The following ZCCHC14 variants were observed in gnomAD, a reference collection of about 807,000 sequenced individuals.
ZCCHC14 encodes zinc finger CCHC domain-containing protein 14.
In ZCCHC14, 16 loss-of-function variants were observed where a neutral mutation model predicts 85.0. That is an observed-to-expected ratio of 0.19 (90% CI 0.13 to 0.29). The LOEUF (loss-of-function observed/expected upper bound fraction) is 0.29, where lower values mean the gene tolerates loss of function less well. Among genes scored for constraint, ZCCHC14 ranks in the 10% least tolerant of loss-of-function variants. ZCCHC14 has a pLI of 1.00. For synonymous variants in ZCCHC14, 775 were observed against 630.7 expected (o/e 1.23, Z -3.43); for missense variants, 1,303 against 1,443.5 (o/e 0.90, Z 1.58).
chr16:87,414,141 C>T lies in ZCCHC14; in HGVS notation c.1603+273G>A, dbSNP rs1170025434. Among the ~76,000 whole-genome samples the T allele has an allele frequency of 1.3e-5, 2 of 150,926 alleles. 1 individual carries two copies. Among genetic ancestry groups the T allele is most frequent in the Non-Finnish European group, 2.9e-5 (2 of 67,954 alleles). On this transcript the variant is annotated intron_variant, in intron 10 of 12. Coordinates refer to ENST00000671377, the MANE Select transcript of ZCCHC14 (RefSeq NM_015144.3). Reference sequence around the variant, plus strand: ...CCGGCCCTCTCTGTGTACGAGTAACCCACCTGCCCGGCACACGGGCCCTCT... The same window carrying T: ...CCGGCCCTCTCTGTGTACGAGTAACTCACCTGCCCGGCACACGGGCCCTCT...
intron 2 of ZCCHC14, among the ~76,000 whole-genome samples, chr16:87,452,751 T>C (rs992900499): frequency 4.6e-5 from 7 of 152,042 alleles, no homozygotes; most frequent in South Asian, 4.2e-4. Context: ...TGAAAGCACC[T>C]ACCCTGCTTG....
rs1345710336 is a variant in ZCCHC14, at chr16:87,409,320, C to G, written c.*960G>C. The G allele has an allele frequency of 6.6e-6, 1 of 152,156 alleles. No individual in the cohort carries two copies. The highest frequency in any genetic ancestry group is 1.5e-5 in the Non-Finnish European group (1 of 68,038). 9.4% of individuals were successfully genotyped at this position (152,156 alleles called of 1,614,324 possible). A position where few individuals can be genotyped will look rare whatever the true frequency, so the allele number is the denominator to read the frequency against. ...CGGGGTTGGAGGTTCTTGGGGAGCC[C>G]GTGGGAGATAAAGCAACTTGCAAAC... On this transcript the variant is annotated 3_prime_UTR_variant, in exon 13 of 13. Transcript: ENST00000671377.
chr16:87,467,654 G>C (rs781448720), intron 1 of ZCCHC14: 2 of 939,542 alleles, frequency 2.1e-6, no homozygotes, highest in African/African-American at 1.6e-5. Flanking sequence ...CTGGTCGAAC[G>C]GTTTCTTTTT....
chr16:87,455,227 G>T (rs144809410), intron 2 of ZCCHC14, among the ~76,000 whole-genome samples: 2,413 of 152,180 alleles, frequency 0.016, 24 homozygotes, highest in Middle Eastern at 0.048. Flanking sequence ...GGTGGAGGTT[G>T]TGGTGAACCG....
At chr16:87,447,086 A>T (rs1910476126) in intron 2 of ZCCHC14, among the ~76,000 whole-genome samples, 1 of 152,228 alleles carries the variant, frequency 6.6e-6, no homozygotes, top group Non-Finnish European at 1.5e-5. Context: ...AAGACTCAAC[A>T]GGAAGACAGA....
chr16:87,434,249 A>C (rs926074920), intron 2 of ZCCHC14, among the ~76,000 whole-genome samples: 61 of 152,232 alleles, frequency 4.0e-4, no homozygotes, highest in African/African-American at 1.4e-3. Flanking sequence ...GCTCAAAATA[A>C]AACAGCCGCG....
At chr16:87,455,449 A>C (rs1257804740) in intron 2 of ZCCHC14, among the ~76,000 whole-genome samples, 2 of 152,166 alleles carry the variant, frequency 1.3e-5, no homozygotes, top group African/African-American at 4.8e-5. Context: ...GAAAAGGTAA[A>C]GATGTGTAGT....
chr16:87,442,673 C>T (rs1321023259), intron 2 of ZCCHC14, among the ~76,000 whole-genome samples: 2 of 152,168 alleles, frequency 1.3e-5, no homozygotes, highest in South Asian at 2.1e-4. Context: ...TGAGCTTATC[C>T]AAACAAGATA....
Position 87,406,620 on chromosome 16 carries a change from G to A in ZCCHC14, c.*3660C>T, listed in dbSNP as rs1403177128. On this transcript the variant is annotated 3_prime_UTR_variant, in exon 13 of 13. Coordinates refer to ENST00000671377, the MANE Select transcript of ZCCHC14 (RefSeq NM_015144.3). Reference sequence around the variant, plus strand: ...TTGTGCACGTAAGACTCACACATGTGATGAGGGCTTGTTACAACGCACGTG... The same window carrying A: ...TTGTGCACGTAAGACTCACACATGTAATGAGGGCTTGTTACAACGCACGTG... The A allele has an allele frequency of 6.6e-6, 1 of 152,362 alleles. No homozygotes were observed. Among genetic ancestry groups the A allele is most frequent in the Non-Finnish European group, 1.5e-5 (1 of 68,042 alleles). The allele number at this position is 152,362 out of a possible 1,614,324, so 9.4% of individuals were successfully genotyped here.
At chr16:87,424,914 A>C (rs911641754) in intron 3 of ZCCHC14, among the ~76,000 whole-genome samples, 2 of 152,118 alleles carry the variant, frequency 1.3e-5, no homozygotes, top group Non-Finnish European at 2.9e-5. Flanking sequence ...TAAAATGACC[A>C]AATACATTAT....
chr16:87,473,487 G>C (rs1296199927), intron 1 of ZCCHC14: 1 of 152,230 alleles, frequency 6.6e-6, no homozygotes, highest in East Asian at 1.9e-4. Context: ...ACAGGCGTGA[G>C]CCACCGTGCC....
chr16:87,481,466 T>C (rs1438209725), intron 1 of ZCCHC14, among the ~76,000 whole-genome samples: 1 of 145,348 alleles, frequency 6.9e-6, no homozygotes, highest in East Asian at 2.1e-4. Context: ...AATCTAAGCC[T>C]GCGTCCAGAG....
At chr16:87,410,545 T>A (rs1423871529) in intron 12 of ZCCHC14, among the ~76,000 whole-genome samples, 1 of 152,228 alleles carries the variant, frequency 6.6e-6, no homozygotes, top group Non-Finnish European at 1.5e-5. Flanking sequence ...GTGAAATGAC[T>A]CAGGAAAAGT....
chr16:87,441,979 T>G (rs967738449), intron 2 of ZCCHC14, among the ~76,000 whole-genome samples: 1 of 152,174 alleles, frequency 6.6e-6, no homozygotes, highest in East Asian at 1.9e-4. Flanking sequence ...CCCATGAAGA[T>G]GGGGATGGTC....
At chr16:87,451,333 A>AT (rs1370943924) in intron 2 of ZCCHC14, among the ~76,000 whole-genome samples, 9 of 151,710 alleles carry the variant, frequency 5.9e-5, no homozygotes, top group Non-Finnish European at 1.5e-5. Flanking sequence ...AGCACCTGAT[A>AT]TTACAGGCAC....
intron 1 of ZCCHC14, among the ~76,000 whole-genome samples, chr16:87,480,307 G>A (rs1912207153): frequency 6.6e-6 from 1 of 152,046 alleles, no homozygotes; most frequent in Non-Finnish European, 1.5e-5. Context: ...GGAGGCTGAG[G>A]CAGGAGAATG....
intron 2 of ZCCHC14, among the ~76,000 whole-genome samples, chr16:87,456,055 T>C (rs930906744): frequency 1.3e-5 from 2 of 152,342 alleles, no homozygotes; most frequent in Non-Finnish European, 2.9e-5. Flanking sequence ...CTGTCTAATC[T>C]AGGTGAAGGG....
Position 87,415,304 on chromosome 16 carries a change from T to G in ZCCHC14, c.1447A>C (p.Lys483Gln). Residue 483 changes from lysine (K) to glutamine (Q), a missense_variant, in exon 9 of 13, where the codon AAG becomes CAG. By Grantham distance (53) the Lys-to-Gln change is moderately conservative. Transcript: ENST00000671377. ...FESLTMGAKK[K>Q]LKTQLELEKE... ...TCCAGCTCCAGCTGGGTCTTGAGCT[T>G]CTTCTTTGCCCCCATGGTAAGAGAC... 1 of 1,614,050 alleles carries G rather than the reference T, an allele frequency of 6.2e-7. No homozygotes were observed. The highest frequency in any genetic ancestry group is 2.2e-5 in the East Asian group (1 of 44,882).
chr16:87,462,432 C>T (rs1045448860), intron 1 of ZCCHC14, among the ~76,000 whole-genome samples: 1 of 152,138 alleles, frequency 6.6e-6, no homozygotes. Flanking sequence ...GAGGTTAACA[C>T]ATTAACTGTA....
Sources: allele counts gnomAD v4.1 joint callset (sites outside exome capture counted in the v4.1 genomes callset), GRCh38; gene constraint gnomAD v4.1.1; transcripts MANE v1.5; gene names NCBI Gene and HGNC (gene_info 2026-07-23, HGNC 2026-07-21).